Variants in MBD5 observed in about 807,000 individuals in gnomAD.
MBD5 encodes the protein methyl-CpG binding domain protein 5.
A neutral mutation model predicts 117.3 loss-of-function variants in MBD5; 13 were observed. The ratio of observed to expected loss-of-function variants is 0.11; its 90% CI spans 0.07 to 0.18. The LOEUF (loss-of-function observed/expected upper bound fraction) is 0.18. Among genes scored for constraint, MBD5 ranks in the 10% least tolerant of loss-of-function variants. The pLI is 1.00. For missense variants in MBD5, 1,879 were observed against 2,093.8 expected, an observed-to-expected ratio of 0.90 and a Z score of 2.00; for synonymous variants, 727 against 766.4, an observed-to-expected ratio of 0.95 and a Z score of 0.85.
At chr2:148,049,687 A>AC (rs1172739114) in intron 1 of MBD5, among the ~76,000 whole-genome samples, 4 of 152,118 alleles carry the variant, frequency 2.6e-5, no homozygotes, top group African/African-American at 9.7e-5. Flanking sequence ...CTGAAAAGAA[A>AC]CCCTATACCT....
At chr2:148,166,597 A>G (rs918126914) in intron 1 of MBD5, among the ~76,000 whole-genome samples, 12 of 152,136 alleles carry the variant, frequency 7.9e-5, no homozygotes, top group Non-Finnish European at 2.9e-5. Flanking sequence ...GGATGATAGG[A>G]TACTGCTGTT....
intron 3 of MBD5, among the ~76,000 whole-genome samples, chr2:148,301,583 C>T (rs932680780): frequency 3.3e-5 from 5 of 152,172 alleles, no homozygotes; most frequent in East Asian, 1.9e-4. Context: ...ATCAAGTGCA[C>T]GGTTTGACCT....
chr2:148,439,338 G>A (rs551814570), intron 4 of MBD5, among the ~76,000 whole-genome samples: 1 of 152,162 alleles, frequency 6.6e-6, no homozygotes, highest in African/African-American at 2.4e-5. Flanking sequence ...ACAGATGTAG[G>A]GACATCTTTC....
chr2:148,108,750 A>G (rs1261521619), intron 1 of MBD5, among the ~76,000 whole-genome samples: 1 of 152,118 alleles, frequency 6.6e-6, no homozygotes, highest in Non-Finnish European at 1.5e-5. Flanking sequence ...TAATTGTTTT[A>G]AGTGGTACTC....
chr2:148,219,263 C>G (rs1045951306), intron 2 of MBD5, among the ~76,000 whole-genome samples: 1 of 152,118 alleles, frequency 6.6e-6, no homozygotes, highest in Non-Finnish European at 1.5e-5. Context: ...CATATCTTGT[C>G]TCACTGGAAG....
At chr2:148,197,818 G>GTTTTTTTTTTTTT (rs11389519) in intron 2 of MBD5, among the ~76,000 whole-genome samples, 17 of 103,544 alleles carry the variant, frequency 1.6e-4, no homozygotes, top group South Asian at 6.6e-4. Flanking sequence ...TTTTTTTTTT[G>GTTTTTTTTTTTTT]TTTTTTTTTT....
chr2:148,137,252 C>A (rs552336370), intron 1 of MBD5, among the ~76,000 whole-genome samples: 2 of 152,264 alleles, frequency 1.3e-5, no homozygotes, highest in Admixed American at 6.5e-5. Flanking sequence ...CTTCCTGAAA[C>A]TTTTTCATAA....
At chr2:148,202,159 A>G (rs1274582186) in intron 2 of MBD5, among the ~76,000 whole-genome samples, 1 of 152,248 alleles carries the variant, frequency 6.6e-6, no homozygotes, top group Non-Finnish European at 1.5e-5. Context: ...CATGGAGCTT[A>G]CTACCTTATT....
At chr2:148,056,581 T>G (rs1030404463) in intron 1 of MBD5, among the ~76,000 whole-genome samples, 4 of 152,106 alleles carry the variant, frequency 2.6e-5, no homozygotes, top group African/African-American at 9.6e-5. Flanking sequence ...TTTTTCTCTT[T>G]TAATCTGTTA....
In MBD5 at chr2:148,489,847, T is replaced by C. The variant is rs768977000; in HGVS notation, c.4215T>C (p.His1405=). ...RGARLPKNLD[H]GKNVNEGDGF... is the part of the protein sequence containing the mutation. ...CTCGGCTGCCCAAGAATCTAGACCATGGGAAAAATGTGAACGAAGGAGATG... is the reference window on the plus strand; with the variant it reads ...CTCGGCTGCCCAAGAATCTAGACCACGGGAAAAATGTGAACGAAGGAGATG... The change falls in exon 11 of 14, where the codon CAT becomes CAC. Residue 1405 remains histidine, a synonymous_variant. Transcript: ENST00000642680. The C allele has an allele frequency of 2.4e-5, 38 of 1,613,562 alleles. No homozygotes were observed. The highest frequency in any genetic ancestry group is 3.1e-5 in the Non-Finnish European group (36 of 1,179,928).
At chr2:148,447,230 AGAAAGG>A (rs1706584360) in intron 4 of MBD5, among the ~76,000 whole-genome samples, 2 of 145,772 alleles carry the variant, frequency 1.4e-5, no homozygotes, top group African/African-American at 5.2e-5. Flanking sequence ...AAAGAAAGAA[AGAAAGG>A]GAAAGGAGGG....
chr2:148,470,883 G>T, intron 8 of MBD5: 1 of 174,010 alleles, frequency 5.7e-6, no homozygotes, highest in Non-Finnish European at 1.2e-5. Flanking sequence ...ATCCAAAAAG[G>T]CAAAAATAAA....
In MBD5 at chr2:148,485,642, T is replaced by C. The variant is rs571664920; in HGVS notation, c.3545-100T>C. The C allele has an allele frequency of 1.3e-4, 112 of 878,336 alleles. No individual in the cohort carries two copies. The African/African-American group carries it at 1.8e-3, about 14-fold the overall frequency. The allele number at this position is 878,336 out of a possible 1,614,324, so 54.4% of individuals were successfully genotyped here. A position where few individuals can be genotyped will look rare whatever the true frequency, so the allele number is the denominator to read the frequency against. On this transcript the variant is annotated intron_variant, in intron 9 of 13. Coordinates refer to ENST00000642680, the MANE Select transcript of MBD5 (RefSeq NM_001378120.1). ...AAGAAAAGCATTACCCAAGTAAGCATAGCACTTAGTTTCTGTTTCAGGAAT... is the reference window on the plus strand; with the variant it reads ...AAGAAAAGCATTACCCAAGTAAGCACAGCACTTAGTTTCTGTTTCAGGAAT...
chr2:148,049,733 A>G (rs1237874370), intron 1 of MBD5, among the ~76,000 whole-genome samples: 1 of 152,142 alleles, frequency 6.6e-6, no homozygotes, highest in East Asian at 1.9e-4. Flanking sequence ...CCTCCTTCCC[A>G]TATCGTCTGG....
chr2:148,481,000 T>A (rs1681132294), intron 8 of MBD5, among the ~76,000 whole-genome samples: 1 of 152,208 alleles, frequency 6.6e-6, no homozygotes, highest in Non-Finnish European at 1.5e-5. Flanking sequence ...CTACTATGAC[T>A]ACTAATGTCA....
Position 148,271,378 on chromosome 2 carries a change from A to G in MBD5, c.-680+37983A>G, listed in dbSNP as rs901303296. On this transcript the variant is annotated intron_variant, in intron 3 of 13. Transcript: ENST00000642680. The stretch of plus-strand genomic sequence containing the variant: ...TTAGGTACATCTGTTATATTGGTTA[A>G]TTCTTTAATTTACTTTTGAATGTTT... Among the ~76,000 whole-genome samples the G allele has an allele frequency of 3.3e-5, 5 of 152,260 alleles. No individual in the cohort carries two copies. The East Asian group carries it at 9.6e-4, about 29-fold the overall frequency.
chr2:148,304,971 A>G (rs1485729530), intron 3 of MBD5, among the ~76,000 whole-genome samples: 22 of 151,568 alleles, frequency 1.5e-4, no homozygotes, highest in Admixed American at 1.2e-3. Context: ...AGGCTGAGGC[A>G]GGAGAATGGC....
chr2:148,244,387 A>G (rs904068702), intron 3 of MBD5: 2 of 152,190 alleles, frequency 1.3e-5, no homozygotes, highest in African/African-American at 2.4e-5. Context: ...ATTATGAGAC[A>G]GTAGTTAAAC....
chr2:148,415,841 A>G (rs1042935602), intron 4 of MBD5, among the ~76,000 whole-genome samples: 3 of 152,160 alleles, frequency 2.0e-5, no homozygotes, highest in African/African-American at 7.2e-5. Context: ...TAAAATGATC[A>G]TTACATCTTT....
Sources: gnomAD v4.1 joint callset for allele counts (sites outside exome capture counted in the v4.1 genomes callset) on GRCh38, gnomAD v4.1.1 for gene constraint, MANE v1.5 for transcripts, NCBI Gene and HGNC (gene_info 2026-07-23, HGNC 2026-07-21) for gene names.